Variants in SEMA3C observed in about 807,000 individuals in gnomAD.
SEMA3C encodes the protein semaphorin 3C, also known as semaphorin-3C.
Under a neutral mutation model 89.4 loss-of-function variants are expected in SEMA3C, and 47 were observed. The observed-to-expected ratio is 0.53, with a 90% CI of 0.42 to 0.67. SEMA3C has a LOEUF of 0.67. SEMA3C is among the 30% of genes least tolerant of loss of function. The probability of loss-of-function intolerance (pLI) is 0.00; values close to 1 mark genes in which losing one functional copy is unlikely to be tolerated. For synonymous variants in SEMA3C, 310 were observed against 320.2 expected (o/e 0.97, Z 0.34); for missense variants, 839 against 929.1 (o/e 0.90, Z 1.26).
intron 2 of SEMA3C, among the ~76,000 whole-genome samples, chr7:80,910,908 A>T (rs1268514209): frequency 6.6e-6 from 1 of 152,114 alleles, no homozygotes; most frequent in Non-Finnish European, 1.5e-5. Context: ...ATGGAGATAC[A>T]TCCTGATAAA....
intron 2 of SEMA3C, among the ~76,000 whole-genome samples, chr7:80,865,651 C>T (rs1046629994): frequency 5.9e-5 from 9 of 151,862 alleles, no homozygotes; most frequent in Non-Finnish European, 1.0e-4. Flanking sequence ...AAAAATTAGC[C>T]GGGTGTGGTA....
At chr7:80,761,747 GA>G (rs1788187756) in intron 13 of SEMA3C, 90 bp from the exon 14 acceptor site, 2 of 710,736 alleles carry the variant, frequency 2.8e-6, no homozygotes, top group Non-Finnish European at 2.3e-6. Context: ...ATCTCAAGAA[GA>G]AATCACTTTT....
chr7:80,898,081 A>G (rs1791782714), intron 2 of SEMA3C, among the ~76,000 whole-genome samples: 1 of 152,114 alleles, frequency 6.6e-6, no homozygotes, highest in African/African-American at 2.4e-5. Context: ...ACAGAAAAAT[A>G]AGCCAGGCAT....
chr7:80,875,363 AT>A (rs1453203143), intron 2 of SEMA3C, among the ~76,000 whole-genome samples: 1 of 152,090 alleles, frequency 6.6e-6, no homozygotes, highest in Non-Finnish European at 1.5e-5. Flanking sequence ...TGCTATATTA[AT>A]TTTTTAGTAT....
chr7:80,824,069 C>T (rs1301730659), intron 4 of SEMA3C, among the ~76,000 whole-genome samples: 2 of 152,112 alleles, frequency 1.3e-5, no homozygotes, highest in African/African-American at 2.4e-5. Flanking sequence ...ATTAAATTTT[C>T]TTCTTATAAT....
intron 8 of SEMA3C, 57 bp downstream of exon 8, chr7:80,804,049 A>C (rs1345184346): frequency 6.7e-7 from 1 of 1,481,756 alleles, no homozygotes; most frequent in Non-Finnish European, 9.1e-7. Flanking sequence ...GCACGGAGAT[A>C]AACCATAATT....
rs1458855512 is a variant in SEMA3C at position 80,744,841 on chromosome 7, C to A, written c.*53G>T. 2.5e-6 allele frequency: 4 copies of A among 1,588,384 alleles called. No individual in the cohort carries two copies. Among genetic ancestry groups the A allele is most frequent in the Admixed American group, 3.5e-5 (2 of 56,920 alleles). On this transcript the variant is annotated 3_prime_UTR_variant, in exon 18 of 18. Coordinates refer to ENST00000265361, the MANE Select transcript of SEMA3C (RefSeq NM_006379.5). ...CAAGTTTCTTTGCTCAAAATTTGAT[C>A]ATTGAAGACAGAGCATTTGTTAATG...
chr7:80,797,976 C>A, intron 11 of SEMA3C, 116 bp downstream of exon 11: 1 of 1,004,096 alleles, frequency 1.0e-6, no homozygotes, highest in Non-Finnish European at 1.4e-6. Flanking sequence ...CCACCCTGGG[C>A]AACAGAGTGA....
intron 2 of SEMA3C, 62 bp from the exon 3 acceptor site, chr7:80,828,807 A>G: frequency 8.1e-7 from 1 of 1,236,642 alleles, no homozygotes. Context: ...CTATTATTTT[A>G]ATAAAAACTA....
chr7:80,815,718 C>T (rs531484193), intron 5 of SEMA3C, among the ~76,000 whole-genome samples: 1 of 151,894 alleles, frequency 6.6e-6, no homozygotes, highest in East Asian at 1.9e-4. Flanking sequence ...AGATTGGTGG[C>T]AAATTTCATT....
In SEMA3C at chr7:80,797,800, C is replaced by A. The variant is rs184489098; in HGVS notation, c.1131+292G>T. Among the ~76,000 whole-genome samples, 434 of 152,238 alleles carry A rather than the reference C, an allele frequency of 2.9e-3. 4 individuals are homozygous for A. Among genetic ancestry groups the A allele is most frequent in the African/African-American group, 9.4e-3 (391 of 41,548 alleles). On this transcript the variant is annotated intron_variant, in intron 11 of 17. Transcript: ENST00000265361. ...GGATCACGAGGTCAGGAGTTCGAGA[C>A]CAGCCTGACCAACATGGTGAAACCC...
intron 12 of SEMA3C, among the ~76,000 whole-genome samples, chr7:80,769,606 C>T (rs868570720): frequency 3.9e-5 from 6 of 152,098 alleles, no homozygotes; most frequent in Admixed American, 1.3e-4. Flanking sequence ...CGCCTGTAAT[C>T]CCAGCCCTTT....
intron 2 of SEMA3C, among the ~76,000 whole-genome samples, chr7:80,910,653 TC>T (rs571350655): frequency 6.9e-6 from 1 of 145,170 alleles, no homozygotes; most frequent in Non-Finnish European, 1.5e-5. Flanking sequence ...CAATGCTCGT[TC>T]TTTTTTTTTT....
intron 2 of SEMA3C, among the ~76,000 whole-genome samples, chr7:80,829,400 G>A (rs2115820693): frequency 6.6e-6 from 1 of 152,138 alleles, no homozygotes; most frequent in South Asian, 2.1e-4. Context: ...AAAACCAACA[G>A]CAGTGTGATT....
intron 11 of SEMA3C, among the ~76,000 whole-genome samples, chr7:80,791,065 G>A (rs1335825012): frequency 6.6e-6 from 1 of 152,064 alleles, no homozygotes; most frequent in Non-Finnish European, 1.5e-5. Context: ...TTCTGGCCAG[G>A]AGGGAAAAGT....
At chr7:80,801,863 C>T (rs868448612) in intron 9 of SEMA3C, among the ~76,000 whole-genome samples, 1 of 151,962 alleles carries the variant, frequency 6.6e-6, no homozygotes, top group Admixed American at 6.6e-5. Context: ...ACTTTTGTTC[C>T]ATAATCAACA....
intron 2 of SEMA3C, among the ~76,000 whole-genome samples, chr7:80,910,720 G>A (rs530761308): frequency 1.4e-5 from 2 of 144,528 alleles, no homozygotes; most frequent in African/African-American, 5.1e-5. Context: ...TTATAGCAAA[G>A]TGATAGTTTT....
chr7:80,743,067 CA>C lies in SEMA3C; in HGVS notation c.*1826del, dbSNP rs1286404733. 1 of 151,844 alleles carries C rather than the reference CA, an allele frequency of 6.6e-6. No homozygotes were observed. Among genetic ancestry groups the C allele is most frequent in the Non-Finnish European group, 1.5e-5 (1 of 67,792 alleles). The allele number at this position is 151,844 out of a possible 1,614,324, so 9.4% of individuals were successfully genotyped here. On this transcript the variant is annotated 3_prime_UTR_variant, in exon 18 of 18. Coordinates refer to ENST00000265361, the MANE Select transcript of SEMA3C (RefSeq NM_006379.5). ...TTTGAGAATAGATTGGCCATAAACA[CA>C]GAAGATGGTTTTGGCTTTACATTGA...
intron 2 of SEMA3C, among the ~76,000 whole-genome samples, chr7:80,893,431 G>A (rs778494652): frequency 6.6e-6 from 1 of 152,004 alleles, no homozygotes; most frequent in African/African-American, 2.4e-5. Context: ...CTCTTTCCAG[G>A]TACAACTAAG....
Sources: gnomAD v4.1 joint callset for allele counts (sites outside exome capture counted in the v4.1 genomes callset) on GRCh38, gnomAD v4.1.1 for gene constraint, MANE v1.5 for transcripts, NCBI Gene and HGNC (gene_info 2026-07-23, HGNC 2026-07-21) for gene names.